The following PHIP variants were observed in gnomAD, a reference collection of about 807,000 sequenced individuals.
The protein encoded by PHIP is PH-interacting protein.
Under a neutral mutation model 236.8 loss-of-function variants are expected in PHIP, and 54 were observed. That is an observed-to-expected ratio of 0.23 (90% confidence interval 0.18 to 0.29). The LOEUF is 0.29. Among genes scored for constraint, PHIP ranks in the 10% least tolerant of loss-of-function variants. The pLI is 1.00. For missense variants in PHIP, 1,370 were observed against 2,190.8 expected (o/e 0.63, Z 7.48); for synonymous variants, 756 against 718.9 (o/e 1.05, Z -0.83).
At chr6:78,955,815 T>TC in intron 32 of PHIP, 133 bp from the exon 33 acceptor site, 1 of 466,656 alleles carries the variant, frequency 2.1e-6, no homozygotes, top group Non-Finnish European at 3.9e-6. Context: ...ATTGGCTTAC[T>TC]CCAATAATTT....
intron 29 of PHIP, 131 bp downstream of exon 29, chr6:78,965,568 TAATA>T (rs1767074706): frequency 3.3e-6 from 2 of 600,902 alleles, no homozygotes; most frequent in South Asian, 2.6e-5. Context: ...AGGTGTACAA[TAATA>T]AATATTTGCC....
chr6:79,072,972 T>C (rs1221411940), intron 4 of PHIP, among the ~76,000 whole-genome samples: 1 of 152,190 alleles, frequency 6.6e-6, no homozygotes, highest in Non-Finnish European at 1.5e-5. Context: ...ATGCCAGTTA[T>C]TACTCACAGA....
At chr6:79,058,023 G>C (rs775383223) in intron 6 of PHIP, among the ~76,000 whole-genome samples, 1 of 151,898 alleles carries the variant, frequency 6.6e-6, no homozygotes, top group Non-Finnish European at 1.5e-5. Context: ...AAAAATATAT[G>C]TAAATACAAT....
intron 35 of PHIP, among the ~76,000 whole-genome samples, chr6:78,952,700 T>C (rs1766124054): frequency 6.6e-6 from 1 of 152,192 alleles, no homozygotes; most frequent in Non-Finnish European, 1.5e-5. Flanking sequence ...AAGTTTAATT[T>C]CAGTAATTAT....
intron 13 of PHIP, 127 bp from the exon 14 acceptor site, chr6:79,015,910 GTT>G: frequency 1.6e-6 from 1 of 616,974 alleles, no homozygotes; most frequent in Non-Finnish European, 2.7e-6. Flanking sequence ...TAACTGAGAA[GTT>G]TGAATCAACA....
chr6:79,025,171 T>C (rs1771334027), intron 9 of PHIP, among the ~76,000 whole-genome samples: 1 of 152,188 alleles, frequency 6.6e-6, no homozygotes, highest in South Asian at 2.1e-4. Context: ...AAAATTATTC[T>C]AAAGAACAGC....
chr6:78,992,092 A>T (rs1769293297), intron 19 of PHIP, among the ~76,000 whole-genome samples: 2 of 150,968 alleles, frequency 1.3e-5, no homozygotes, highest in African/African-American at 4.9e-5. Flanking sequence ...CCTCCCGAGT[A>T]GCTGGGACTA....
intron 9 of PHIP, among the ~76,000 whole-genome samples, chr6:79,021,608 A>C (rs552523423): frequency 2.0e-5 from 3 of 152,366 alleles, no homozygotes; most frequent in African/African-American, 7.2e-5. Flanking sequence ...TATTATGCTA[A>C]GTGAAATAAG....
At chr6:78,980,555 G>T (rs1768448426) in intron 23 of PHIP, among the ~76,000 whole-genome samples, 1 of 152,012 alleles carries the variant, frequency 6.6e-6, no homozygotes, top group South Asian at 2.1e-4. Flanking sequence ...AAGAGGGCTG[G>T]GGTACAGCGG....
At chr6:78,985,299 A>G in intron 22 of PHIP, 53 bp downstream of exon 22, 1 of 960,934 alleles carries the variant, frequency 1.0e-6, no homozygotes, top group Non-Finnish European at 1.6e-6. Flanking sequence ...AAAAAAAAAC[A>G]CCTTTCTAAA....
In PHIP at chr6:79,015,767, T is replaced by G; in HGVS notation, c.1252A>C (p.Ile418Leu). Reference protein sequence around the residue: ...TRPAGQNLQGIEDKITKMKVT... With the variant: ...TRPAGQNLQGLEDKITKMKVT... Reference sequence around the variant, plus strand: ...TTCATTTTTGTGATTTTATCTTCTATTCCTTGAAGGTTTTGGCTGAAAGTG... The same window carrying G: ...TTCATTTTTGTGATTTTATCTTCTAGTCCTTGAAGGTTTTGGCTGAAAGTG... The change falls in exon 14 of 40, where the codon ATA becomes CTA. Residue 418 changes from isoleucine to leucine, a missense_variant. By Grantham distance (5) the Ile-to-Leu change is conservative. This residue lies in a region of PHIP where 188 missense variants were observed against 354.3 expected (regional missense o/e 0.53). Transcript: ENST00000275034. 6 of 1,610,518 alleles carry G rather than the reference T, an allele frequency of 3.7e-6. No homozygotes were observed. Among genetic ancestry groups the G allele is most frequent in the Non-Finnish European group, 5.1e-6 (6 of 1,178,120 alleles).
intron 7 of PHIP, among the ~76,000 whole-genome samples, chr6:79,038,336 C>T (rs4706749): frequency 0.92 from 140,367 of 152,276 alleles, 64,823 homozygotes; most frequent in East Asian, 1. Flanking sequence ...CATGGCTCCC[C>T]TGAGCCTCTT....
At position 78,934,913 on chromosome 6, in the gene PHIP, T is replaced by G. The variant is rs1397445809; in HGVS notation, c.*5780A>C. 2.0e-5 allele frequency among the ~76,000 whole-genome samples: 3 copies of G among 152,206 alleles called. No homozygotes were observed. Among genetic ancestry groups the G allele is most frequent in the African/African-American group, 4.8e-5 (2 of 41,458 alleles). On this transcript the variant is annotated 3_prime_UTR_variant, in exon 40 of 40. Coordinates refer to ENST00000275034, the MANE Select transcript of PHIP (RefSeq NM_017934.7). ...GTAGAAAGGTATTTCATTGAATGAC[T>G]TCCACCATTCTTTTCCCAAAGACTA...
At chr6:79,047,290 C>T (rs945024349) in intron 6 of PHIP, among the ~76,000 whole-genome samples, 2 of 152,168 alleles carry the variant, frequency 1.3e-5, no homozygotes, top group African/African-American at 4.8e-5. Flanking sequence ...TCATCCATTA[C>T]TTCTTTAGGT....
rs916239810 is a variant in PHIP, at chr6:78,935,828, C to A, written c.*4865G>T. The A allele has an allele frequency of 4.0e-6, 3 of 753,252 alleles. No homozygotes were observed. Among genetic ancestry groups the A allele is most frequent in the Non-Finnish European group, 4.9e-6 (3 of 618,154 alleles). 46.7% of individuals were successfully genotyped at this position (753,252 alleles called of 1,614,324 possible). On this transcript the variant is annotated 3_prime_UTR_variant, in exon 40 of 40. Transcript: ENST00000275034. The stretch of plus-strand genomic sequence containing the variant: ...AAGTGCTTTATGTGATGCCAAAAAA[C>A]TTTAAAAAGCAAATAATAAATCATG...
chr6:78,969,283 GTGTACAC>G lies in PHIP; in HGVS notation c.3205+545_3205+551del, dbSNP rs1416552085. On this transcript the variant is annotated intron_variant, in intron 27 of 39. Transcript: ENST00000275034. ...TGTGCTTTTTCAAACCATACATACC[GTGTACAC>G]ATCATACCATGACACACACTGGTCC... Among the ~76,000 whole-genome samples the G allele has an allele frequency of 3.9e-5, 6 of 152,160 alleles. No homozygotes were observed. The East Asian group carries it at 1.2e-3, about 29-fold the overall frequency.
In PHIP at chr6:78,937,484, G is replaced by A. The variant is rs1773318983; in HGVS notation, c.*3209C>T. 1 of 151,672 alleles carries A rather than the reference G, an allele frequency of 6.6e-6. No individual in the cohort carries two copies. Among genetic ancestry groups the A allele is most frequent in the Admixed American group, 6.6e-5 (1 of 15,232 alleles). 9.4% of individuals were successfully genotyped at this position (151,672 alleles called of 1,614,324 possible). ...CATGCTGCATAAAGATATTTTCTCT[G>A]ATTACTGTATCTTATGTAATTCATT... On this transcript the variant is annotated 3_prime_UTR_variant, in exon 40 of 40. Coordinates refer to ENST00000275034, the MANE Select transcript of PHIP (RefSeq NM_017934.7).
At position 78,955,653 on chromosome 6, in the gene PHIP, A is replaced by G. The variant is rs761243531; in HGVS notation, c.3812T>C (p.Leu1271Pro). 4 of 1,096,268 alleles carry G rather than the reference A, an allele frequency of 3.6e-6. No individual in the cohort carries two copies. The highest frequency in any genetic ancestry group is 5.5e-6 in the Non-Finnish European group (4 of 724,782). 67.9% of individuals were successfully genotyped at this position (1,096,268 alleles called of 1,614,324 possible). The change falls in exon 33 of 40, where the codon CTT becomes CCT. Residue 1271 changes from leucine (L) to proline (P), a missense_variant. Physicochemically the swap from Leu to Pro is moderately conservative, Grantham distance 98 (BLOSUM62 -3). Around this residue, in one of 14 missense-constraint regions of PHIP, gnomAD observed 38 missense variants for 27.6 expected, o/e 1.38. Coordinates refer to ENST00000275034, the MANE Select transcript of PHIP (RefSeq NM_017934.7). ...AACTTTCTTCTTCATTGAATTATAAAGTGGAATTATGTTATAACAAGTCTG... is the reference window on the plus strand; with the variant it reads ...AACTTTCTTCTTCATTGAATTATAAGGTGGAATTATGTTATAACAAGTCTG... Reference protein sequence around the residue: ...KDQTCYNIIPLYNSMKKKVLS... With the variant: ...KDQTCYNIIPPYNSMKKKVLS...
At chr6:79,009,444 T>G (rs1770462264) in intron 15 of PHIP, among the ~76,000 whole-genome samples, 1 of 152,050 alleles carries the variant, frequency 6.6e-6, no homozygotes, top group Non-Finnish European at 1.5e-5. Context: ...CTGACAATGA[T>G]CTCTACATCT....
Sources: gnomAD v4.1 joint callset for allele counts (sites outside exome capture counted in the v4.1 genomes callset) on GRCh38, gnomAD v4.1.1 for gene constraint, gnomAD v4.1.1 regional missense constraint, MANE v1.5 for transcripts, NCBI Gene and HGNC (gene_info 2026-07-23, HGNC 2026-07-21) for gene names.